The following TEX9 variants were observed in gnomAD, a reference collection of about 807,000 sequenced individuals.
TEX9 encodes testis expressed 9.
A neutral mutation model predicts 59.6 loss-of-function variants in TEX9; 74 were observed. The observed-to-expected ratio is 1.24, with a 90% confidence interval of 1.03 to 1.51. The LOEUF (loss-of-function observed/expected upper bound fraction) is 1.51, where lower values mean the gene tolerates loss of function less well. Among genes scored for constraint, TEX9 ranks in the 40% most tolerant of loss-of-function variants. The probability of loss-of-function intolerance (pLI) is 0.00; values close to 1 mark genes in which losing one functional copy is unlikely to be tolerated. For missense variants in TEX9, 522 were observed against 447.8 expected (o/e 1.17, Z -1.49); for synonymous variants, 186 against 152.2 (o/e 1.22, Z -1.64).
At chr15:56,416,871 A>G (rs1235675888) in intron 10 of TEX9, among the ~76,000 whole-genome samples, 4 of 150,704 alleles carry the variant, frequency 2.7e-5, no homozygotes, top group Admixed American at 2.6e-4. Context: ...TTTATTACTG[A>G]TTCAGTTTTG....
chr15:56,330,156 T>C (rs1181592746), intron 1 of TEX9, among the ~76,000 whole-genome samples: 3 of 152,124 alleles, frequency 2.0e-5, no homozygotes, highest in Non-Finnish European at 2.9e-5. Context: ...AAAAATATTT[T>C]ACCCTAGAAT....
chr15:56,258,947 A>G (rs182235648), intron 1 of TEX9, among the ~76,000 whole-genome samples: 21 of 149,558 alleles, frequency 1.4e-4, no homozygotes, highest in Non-Finnish European at 3.1e-4. Flanking sequence ...TATAAAACAT[A>G]TATAATACAT....
At chr15:56,335,298 A>G (rs1419731620) in intron 1 of TEX9, among the ~76,000 whole-genome samples, 2 of 152,184 alleles carry the variant, frequency 1.3e-5, no homozygotes, top group African/African-American at 2.4e-5. Context: ...CATATACACA[A>G]TGGAGCACTA....
rs373647702 is a variant in TEX9 at position 56,394,726 on chromosome 15, G to T, written c.720G>T (p.Gln240His). The T allele has an allele frequency of 1.9e-6, 3 of 1,611,036 alleles. No individual in the cohort carries two copies. The African/African-American group carries it at 4.0e-5, about 22-fold the overall frequency. Reference sequence around the variant, plus strand: ...TTGAAGAAGATTTTATGAGACAGCAGCGAACAATTAATATGCAACAGTCTC... The same window carrying T: ...TTGAAGAAGATTTTATGAGACAGCATCGAACAATTAATATGCAACAGTCTC... Residue 240 changes from glutamine to histidine, a missense_variant, in exon 9 of 13, where the codon CAG (glutamine) becomes CAT (histidine). Gln to His is a conservative substitution (Grantham distance 24). Coordinates refer to ENST00000352903, the Ensembl canonical transcript of TEX9.
rs796342377 is a variant in TEX9 at position 56,267,131 on chromosome 15, A to G, written c.-107+22853A>G. ...TCACTGTATAAATGTCTTCTTTTGA[A>G]AAGTGTCTGTTCATGTCCTTTGCCC... On this transcript the variant is annotated intron_variant, in intron 1 of 5. Coordinates refer to the TEX9 transcript ENST00000560827. 8.5e-5 allele frequency among the ~76,000 whole-genome samples: 13 copies of G among 152,270 alleles called. No individual in the cohort carries two copies. The East Asian group carries it at 1.3e-3, about 16-fold the overall frequency.
intron 1 of TEX9, among the ~76,000 whole-genome samples, chr15:56,328,029 C>T (rs536875139): frequency 8.5e-4 from 130 of 152,150 alleles, no homozygotes; most frequent in Admixed American, 7.8e-3. Flanking sequence ...GTGCTTATGC[C>T]ACCCCTCCCC....
exon 7 of TEX9, chr15:56,391,270 A>T: frequency 6.3e-7 from 1 of 1,576,078 alleles, no homozygotes; most frequent in Non-Finnish European, 8.6e-7. Context: ...CTGATGTCCA[A>T]ACTGCCGACG....
the TEX9 span, among the ~76,000 whole-genome samples, chr15:56,459,782 G>A: frequency 6.6e-6 from 1 of 150,984 alleles, no homozygotes; most frequent in Non-Finnish European, 1.5e-5. Context: ...TCTTAGGTTG[G>A]GAGTTGGAGA....
chr15:56,438,232 T>C (rs1157075147), intron 12 of TEX9, among the ~76,000 whole-genome samples: 1 of 152,118 alleles, frequency 6.6e-6, no homozygotes, highest in African/African-American at 2.4e-5. Flanking sequence ...AAGGCTACAG[T>C]AACCAAAACA....
intron 1 of TEX9, among the ~76,000 whole-genome samples, chr15:56,327,618 C>T (rs1336189365): frequency 6.6e-6 from 1 of 152,198 alleles, no homozygotes; most frequent in African/African-American, 2.4e-5. Context: ...AAGACAATCT[C>T]GAACTGCCAA....
At chr15:56,261,094 T>C (rs2044254716) in intron 1 of TEX9, among the ~76,000 whole-genome samples, 1 of 152,034 alleles carries the variant, frequency 6.6e-6, no homozygotes, top group Non-Finnish European at 1.5e-5. Flanking sequence ...TTGATTCTGA[T>C]ATTAGTAATT....
chr15:56,433,818 A>G (rs2050666421), intron 12 of TEX9, among the ~76,000 whole-genome samples: 1 of 152,202 alleles, frequency 6.6e-6, no homozygotes, highest in Non-Finnish European at 1.5e-5. Flanking sequence ...CCATAGCTCT[A>G]TAACCTATTA....
chr15:56,338,764 A>G (rs2046307367), intron 1 of TEX9, among the ~76,000 whole-genome samples: 1 of 151,926 alleles, frequency 6.6e-6, no homozygotes, highest in Non-Finnish European at 1.5e-5. Flanking sequence ...TAAAAATACA[A>G]AAAATTAGCT....
intron 12 of TEX9, chr15:56,428,617 A>C (rs1327531173): frequency 2.0e-6 from 1 of 496,522 alleles, no homozygotes; most frequent in Non-Finnish European, 3.5e-6. Flanking sequence ...GCTCTTTTTG[A>C]GTTGTTTTTT....
intron 12 of TEX9, chr15:56,444,524 C>T: frequency 6.6e-7 from 1 of 1,511,610 alleles, no homozygotes. Flanking sequence ...AAGCTTCCTG[C>T]TTTTTTTTTT....
chr15:56,439,006 A>C (rs1285152727), intron 12 of TEX9, among the ~76,000 whole-genome samples: 1 of 152,124 alleles, frequency 6.6e-6, no homozygotes, highest in Non-Finnish European at 1.5e-5. Flanking sequence ...ATCAGAAAGG[A>C]AGAAACAGCC....
At chr15:56,432,414 A>G (rs1282723375) in intron 12 of TEX9, among the ~76,000 whole-genome samples, 1 of 152,170 alleles carries the variant, frequency 6.6e-6, no homozygotes, top group Non-Finnish European at 1.5e-5. Context: ...ACAGAATTAC[A>G]GATACCTATT....
At position 56,381,798 on chromosome 15, in the gene TEX9, T is replaced by A. The variant is rs111261854; in HGVS notation, c.184-2154T>A. Among the ~76,000 whole-genome samples the A allele has an allele frequency of 9.8e-3, 1,487 of 152,328 alleles. 20 individuals are homozygous for A. The highest frequency in any genetic ancestry group is 0.034 in the African/African-American group (1,411 of 41,578). ...CCAGCACCACTGGGATTGTGCTCCG[T>A]CAGACCTGAAGCCAGAACAGTACTG... On this transcript the variant is annotated intron_variant, in intron 3 of 12. Transcript: ENST00000352903.
At chr15:56,327,970 C>T (rs557440662) in intron 1 of TEX9, among the ~76,000 whole-genome samples, 26 of 152,112 alleles carry the variant, frequency 1.7e-4, no homozygotes, top group Non-Finnish European at 3.2e-4. Flanking sequence ...GGCCAATGGA[C>T]TTGGGGAACA....
Sources: allele counts gnomAD v4.1 joint callset (sites outside exome capture counted in the v4.1 genomes callset), GRCh38; gene constraint gnomAD v4.1.1; transcripts MANE v1.5; gene names NCBI Gene and HGNC (gene_info 2026-07-23, HGNC 2026-07-21).